The following KRABD4 variants were observed in gnomAD, a reference collection of about 807,000 sequenced individuals.
The protein encoded by KRABD4 is KRAB domain-containing protein 4.
chrX:46,469,003 TA>T, the KRABD4 span, among the ~76,000 whole-genome samples: 175 of 112,371 alleles, frequency 1.6e-3, no homozygotes, highest in African/African-American at 5.3e-3. Flanking sequence ...ATATATAATG[TA>T]AACATTCTGG....
the KRABD4 span, chrX:46,455,139 G>A: frequency 1.3e-6 from 1 of 795,378 alleles, no homozygotes; most frequent in Non-Finnish European, 1.8e-6. Flanking sequence ...CAGGAGACAA[G>A]GATTTCAACA....
the KRABD4 span, chrX:46,447,344 GAAGT>G: frequency 9.1e-6 from 1 of 110,169 alleles, no homozygotes; most frequent in Non-Finnish European, 1.9e-5. Flanking sequence ...TCTTGGCGGT[GAAGT>G]AAGAGGGACG....
the KRABD4 span, among the ~76,000 whole-genome samples, chrX:46,453,380 A>G: frequency 2.7e-5 from 3 of 112,097 alleles, no homozygotes; most frequent in African/African-American, 9.7e-5. Flanking sequence ...TCAAATACCT[A>G]AATATATATT....
At chrX:46,474,114 T>C in the KRABD4 span, 1 of 112,093 alleles carries the variant, frequency 8.9e-6, no homozygotes, top group African/African-American at 3.2e-5. Flanking sequence ...AGTAGTGATG[T>C]TGGCAATTTG....
At chrX:46,454,743 G>A in the KRABD4 span, among the ~76,000 whole-genome samples, 3 of 111,957 alleles carry the variant, frequency 2.7e-5, no homozygotes, top group African/African-American at 9.7e-5. Context: ...AGGTTGCAGT[G>A]AGCTGAGATC....
At chrX:46,458,407 T>C in the KRABD4 span, among the ~76,000 whole-genome samples, 1 of 112,070 alleles carries the variant, frequency 8.9e-6, no homozygotes, top group African/African-American at 3.2e-5. Flanking sequence ...TAATGCCCTT[T>C]CTAGAATTTT....
At chrX:46,450,726 A>G in the KRABD4 span, among the ~76,000 whole-genome samples, 3 of 87,697 alleles carry the variant, frequency 3.4e-5, no homozygotes, top group Non-Finnish European at 6.5e-5. Flanking sequence ...TTTTTTTGAG[A>G]CAGTCTCACT....
chrX:46,462,378 C>T, the KRABD4 span: 6 of 193,340 alleles, frequency 3.1e-5, no homozygotes, highest in South Asian at 5.5e-4. Context: ...GGCGTGGTGG[C>T]GGGCTCCTGT....
the KRABD4 span, among the ~76,000 whole-genome samples, chrX:46,461,196 C>T: frequency 2.7e-5 from 3 of 110,703 alleles, no homozygotes; most frequent in Non-Finnish European, 5.7e-5. Context: ...GGTAGGAAGC[C>T]ATGGATTGGG....
chrX:46,461,377 C>T, the KRABD4 span, among the ~76,000 whole-genome samples: 7 of 111,283 alleles, frequency 6.3e-5, no homozygotes, highest in South Asian at 2.7e-3. Flanking sequence ...TTCCCCAGCA[C>T]CGGAGCTATC....
chrX:46,447,565 G>A, the KRABD4 span, among the ~76,000 whole-genome samples: 1 of 107,320 alleles, frequency 9.3e-6, no homozygotes, highest in African/African-American at 3.4e-5. Flanking sequence ...GAGACCCGCA[G>A]GCCTGTGGGC....
chrX:46,462,226 G>C, the KRABD4 span, among the ~76,000 whole-genome samples: 1 of 111,945 alleles, frequency 8.9e-6, no homozygotes, highest in Non-Finnish European at 1.9e-5. Flanking sequence ...TATGAGAAAG[G>C]CCAGGCCGGG....
At chrX:46,461,497 C>G in the KRABD4 span, among the ~76,000 whole-genome samples, 1 of 111,753 alleles carries the variant, frequency 8.9e-6, no homozygotes, top group Non-Finnish European at 1.9e-5. Context: ...TCCTGCCCCT[C>G]TCCTGCACAG....
chrX:46,472,312 C>A, the KRABD4 span: 1 of 124,497 alleles, frequency 8.0e-6, no homozygotes, highest in Non-Finnish European at 1.7e-5. Context: ...CTATTTTACA[C>A]ACAGAGATGT....
chrX:46,473,280 C>T, the KRABD4 span: 1 of 1,183,825 alleles, frequency 8.4e-7, no homozygotes, highest in Non-Finnish European at 1.1e-6. Flanking sequence ...CAAAAGCCTT[C>T]AGCCAGAAGT....
At chrX:46,455,391 G>A in the KRABD4 span, 5 of 463,475 alleles carry the variant, frequency 1.1e-5, no homozygotes, top group East Asian at 2.0e-4. Flanking sequence ...GTGGATCTTT[G>A]TCGGCAATGT....
At chrX:46,456,593 CAAAT>C in the KRABD4 span, 1 of 274,451 alleles carries the variant, frequency 3.6e-6, no homozygotes, top group African/African-American at 2.9e-5. Flanking sequence ...CTCTTATGAC[CAAAT>C]AAACAAATAG....
At chrX:46,455,000 C>G in the KRABD4 span, 2 of 305,676 alleles carry the variant, frequency 6.5e-6, no homozygotes, top group African/African-American at 5.5e-5. Flanking sequence ...CATAAATACT[C>G]AGTCTTACTT....
chrX:46,453,408 A>C, the KRABD4 span, among the ~76,000 whole-genome samples: 1 of 109,116 alleles, frequency 9.2e-6, no homozygotes, highest in Middle Eastern at 4.3e-3. Context: ...TTAGGTGACA[A>C]TTTAAGAGGA....
Sources: gnomAD v4.1 joint callset for allele counts (sites outside exome capture counted in the v4.1 genomes callset) on GRCh38, gnomAD v4.1.1 for gene constraint, MANE v1.5 for transcripts, NCBI Gene and HGNC (gene_info 2026-07-23, HGNC 2026-07-21) for gene names.